Variants in ARHGEF4 observed in about 807,000 individuals in gnomAD.
ARHGEF4 encodes APC-stimulated guanine nucleotide exchange factor 1.
ARHGEF4 carries 119 observed loss-of-function variants against 162.0 expected under a neutral mutation model. The observed-to-expected ratio is 0.73, with a 90% CI of 0.63 to 0.86. The LOEUF (loss-of-function observed/expected upper bound fraction) is 0.86. ARHGEF4 is among the 40% of genes least tolerant of loss of function. The pLI, the probability that ARHGEF4 is intolerant of heterozygous loss-of-function variation, is 0.00. For synonymous variants in ARHGEF4, 1,014 were observed against 979.9 expected (o/e 1.03, Z -0.65); for missense variants, 2,488 against 2,456.0 (o/e 1.01, Z -0.28).
At chr2:130,969,555 C>T (rs1368136233) in intron 4 of ARHGEF4, among the ~76,000 whole-genome samples, 1 of 151,662 alleles carries the variant, frequency 6.6e-6, no homozygotes, top group Non-Finnish European at 1.5e-5. Context: ...GCCGAGATCG[C>T]GCCACTGCAC....
intron 4 of ARHGEF4, among the ~76,000 whole-genome samples, chr2:130,960,095 G>A (rs75024300): frequency 0.15 from 22,099 of 152,106 alleles, 1,960 homozygotes; most frequent in South Asian, 0.28. Context: ...GCCATATAAT[G>A]GCATTTTGGT....
At chr2:130,846,531 G>T (rs181590479) in intron 1 of ARHGEF4, among the ~76,000 whole-genome samples, 1 of 152,226 alleles carries the variant, frequency 6.6e-6, no homozygotes, top group South Asian at 2.1e-4. Flanking sequence ...GACCCCTGCC[G>T]TGGGGAGGTG....
chr2:130,993,061 G>A (rs544730318), intron 4 of ARHGEF4, among the ~76,000 whole-genome samples: 1 of 152,188 alleles, frequency 6.6e-6, no homozygotes, highest in Non-Finnish European at 1.5e-5. Flanking sequence ...TCCAGTCTGG[G>A]CAACAGAGCA....
At position 130,836,978 on chromosome 2, in the gene ARHGEF4, C is replaced by A; in HGVS notation, c.25C>A (p.Arg9=). The A allele has an allele frequency of 8.1e-7, 1 of 1,227,008 alleles. No individual in the cohort carries two copies. 76.0% of individuals were successfully genotyped at this position (1,227,008 alleles called of 1,614,324 possible). The change falls in exon 1 of 14, where the codon CGG becomes AGG. Residue 9 remains arginine, a synonymous_variant. Transcript: ENST00000409359. ...CATGCTCAGCGTCGTGCACTTCCTCCGGAGCTTCTTCAAGGTGAGAGCCGG... is the reference window on the plus strand; with the variant it reads ...CATGCTCAGCGTCGTGCACTTCCTCAGGAGCTTCTTCAAGGTGAGAGCCGG... MLSVVHFL[R]SFFKTPEPGA...
At chr2:130,986,154 G>A (rs1686482843) in intron 4 of ARHGEF4, among the ~76,000 whole-genome samples, 1 of 151,750 alleles carries the variant, frequency 6.6e-6, no homozygotes, top group Non-Finnish European at 1.5e-5. Flanking sequence ...TGCATGGTGT[G>A]TGTTGCATGT....
intron 1 of ARHGEF4, among the ~76,000 whole-genome samples, chr2:130,866,398 A>G (rs1259143713): frequency 6.6e-6 from 1 of 152,026 alleles, no homozygotes; most frequent in African/African-American, 2.4e-5. Flanking sequence ...AAAAAAGAAG[A>G]AGGTGGGTAT....
At chr2:130,917,600 C>T (rs1681583590) in intron 2 of ARHGEF4, 102 bp downstream of exon 2, 1 of 1,428,058 alleles carries the variant, frequency 7.0e-7, no homozygotes, top group Non-Finnish European at 9.2e-7. Flanking sequence ...AATAGGAAGG[C>T]CAGGCCAAAA....
chr2:130,929,377 CTCTT>C lies in ARHGEF4; in HGVS notation c.3553-1572_3553-1569del, dbSNP rs974754022. Among the ~76,000 whole-genome samples, 29 of 152,254 alleles carry C rather than the reference CTCTT, an allele frequency of 1.9e-4. 1 individual carries two copies. Among genetic ancestry groups the C allele is most frequent in the African/African-American group, 6.5e-4 (27 of 41,558 alleles). On this transcript the variant is annotated intron_variant, in intron 2 of 13. Transcript: ENST00000409359. Reference sequence around the variant, plus strand: ...CCAGTTTCTCTTCCTCCATCTCTCTCTCTTTCACTGTAAACATATGCATATGTAT... The same window carrying C: ...CCAGTTTCTCTTCCTCCATCTCTCTCTCACTGTAAACATATGCATATGTAT...
At chr2:130,875,668 C>T (rs572123459) in intron 1 of ARHGEF4, among the ~76,000 whole-genome samples, 19 of 152,286 alleles carry the variant, frequency 1.2e-4, no homozygotes, top group African/African-American at 4.3e-4. Context: ...TCTTAGATTT[C>T]GCCACCTCCC....
intron 5 of ARHGEF4, among the ~76,000 whole-genome samples, chr2:131,030,338 A>G (rs146340830): frequency 1.1e-4 from 16 of 152,314 alleles, no homozygotes; most frequent in African/African-American, 3.8e-4. Context: ...AAAATAACCC[A>G]AAAAATGAGG....
At position 130,916,461 on chromosome 2, in the gene ARHGEF4, G is replaced by T. The variant is rs773528000; in HGVS notation, c.2515G>T (p.Ala839Ser). ...GGGGCTCCCCAGGGAGAATCCGCCC[G>T]CTGCGGCCGGTCGGGACGCACCGCC... ...PEGLPRENPP[A>S]AAGRDAPPLH... The change falls in exon 2 of 14, where the codon GCT becomes TCT. Residue 839 changes from alanine (A) to serine (S), a missense_variant. By Grantham distance (99) the Ala-to-Ser change is moderately conservative. Coordinates refer to ENST00000409359, the MANE Select transcript of ARHGEF4 (RefSeq NM_001367493.1). The T allele has an allele frequency of 1.3e-6, 2 of 1,542,464 alleles. No individual in the cohort carries two copies. Among genetic ancestry groups the T allele is most frequent in the Non-Finnish European group, 1.7e-6 (2 of 1,145,770 alleles).
intron 1 of ARHGEF4, among the ~76,000 whole-genome samples, chr2:130,875,220 A>C (rs1490603495): frequency 1.3e-5 from 2 of 152,000 alleles, no homozygotes; most frequent in Admixed American, 6.6e-5. Flanking sequence ...GTTCCTCCAC[A>C]TACAAACTCT....
rs551062941 is a variant in ARHGEF4, at chr2:130,987,539, C to T, written c.3986-40406C>T. On this transcript the variant is annotated intron_variant, in intron 4 of 13. Coordinates refer to ENST00000409359, the MANE Select transcript of ARHGEF4 (RefSeq NM_001367493.1). Reference sequence around the variant, plus strand: ...GTCCCCGCCCATGTTCTGTTTCTGTCCTATCGGAGTGCCCTTTTTTCAATC... The same window carrying T: ...GTCCCCGCCCATGTTCTGTTTCTGTTCTATCGGAGTGCCCTTTTTTCAATC... 5.9e-5 allele frequency among the ~76,000 whole-genome samples: 9 copies of T among 152,310 alleles called. No individual in the cohort carries two copies. The South Asian group carries it at 1.9e-3, about 32-fold the overall frequency.
intron 1 of ARHGEF4, among the ~76,000 whole-genome samples, chr2:130,869,755 C>A (rs564053772): frequency 4.6e-5 from 7 of 152,338 alleles, no homozygotes; most frequent in African/African-American, 1.4e-4. Context: ...CAGACCAAGT[C>A]GTCCCTCAGC....
At chr2:131,003,729 G>A (rs191704424) in intron 4 of ARHGEF4, among the ~76,000 whole-genome samples, 199 of 152,322 alleles carry the variant, frequency 1.3e-3, no homozygotes, top group African/African-American at 4.5e-3. Context: ...TTGCTAGACC[G>A]AGCCTGAAAT....
In ARHGEF4 at chr2:130,899,588, C is replaced by T. The variant is rs13413546; in HGVS notation, c.40-14398C>T. Reference sequence around the variant, plus strand: ...GGGACAAAGCACACTGGAAGGCAGACGGGAGAGCCGCCAAAGACTCTAAGC... The same window carrying T: ...GGGACAAAGCACACTGGAAGGCAGATGGGAGAGCCGCCAAAGACTCTAAGC... On this transcript the variant is annotated intron_variant, in intron 1 of 13. Coordinates refer to ENST00000409359, the MANE Select transcript of ARHGEF4 (RefSeq NM_001367493.1). Among the ~76,000 whole-genome samples the T allele has an allele frequency of 8.5e-5, 13 of 152,268 alleles. No homozygotes were observed. The East Asian group carries it at 1.7e-3, about 20-fold the overall frequency.
At chr2:130,887,680 CCATTTTA>C (rs1282008797) in intron 1 of ARHGEF4, among the ~76,000 whole-genome samples, 1 of 152,022 alleles carries the variant, frequency 6.6e-6, no homozygotes, top group African/African-American at 2.4e-5. Context: ...ACAAAAGTGT[CCATTTTA>C]GCAGTTTATT....
At position 130,915,501 on chromosome 2, in the gene ARHGEF4, C is replaced by A. The variant is rs1183924245; in HGVS notation, c.1555C>A (p.Pro519Thr). The A allele has an allele frequency of 6.4e-7, 1 of 1,550,462 alleles. No homozygotes were observed. Among genetic ancestry groups the A allele is most frequent in the East Asian group, 2.4e-5 (1 of 40,930 alleles). Residue 519 changes from proline (P) to threonine (T), a missense_variant, in exon 2 of 14, where the codon CCT becomes ACT. Coordinates refer to ENST00000409359, the MANE Select transcript of ARHGEF4 (RefSeq NM_001367493.1). Reference protein sequence around the residue: ...KYVLSEESKSPTRAKFPRQPS... With the variant: ...KYVLSEESKSTTRAKFPRQPS... ...TGTGCTCAGCGAGGAAAGCAAGTCACCTACCAGGGCCAAGTTCCCACGGCA... is the reference window on the plus strand; with the variant it reads ...TGTGCTCAGCGAGGAAAGCAAGTCAACTACCAGGGCCAAGTTCCCACGGCA...
intron 12 of ARHGEF4, among the ~76,000 whole-genome samples, chr2:131,045,058 G>A (rs1335551954): frequency 6.6e-6 from 1 of 152,168 alleles, no homozygotes; most frequent in Non-Finnish European, 1.5e-5. Flanking sequence ...CTCTTGGTCT[G>A]GGAAGGAGCC....
Sources: gnomAD v4.1 joint callset for allele counts (sites outside exome capture counted in the v4.1 genomes callset) on GRCh38, gnomAD v4.1.1 for gene constraint, MANE v1.5 for transcripts, NCBI Gene and HGNC (gene_info 2026-07-23, HGNC 2026-07-21) for gene names.